INPP5A: variants seen among roughly 807,000 people sequenced by gnomAD.
The protein encoded by INPP5A is inositol polyphosphate-5-phosphatase A, also known as 43 kDa inositol polyphosphate 5-phophatase.
A neutral mutation model predicts 65.2 loss-of-function variants in INPP5A; 14 were observed. That is an observed-to-expected ratio of 0.21 (90% CI 0.14 to 0.34). INPP5A has a LOEUF of 0.34. INPP5A is among the 10% of genes least tolerant of loss of function. The probability of loss-of-function intolerance (pLI) is 1.00; values close to 1 mark genes in which losing one functional copy is unlikely to be tolerated. For synonymous variants in INPP5A, 207 were observed against 208.3 expected (o/e 0.99, Z 0.05); for missense variants, 431 against 545.6 (o/e 0.79, Z 2.09).
chr10:132,646,250 G>T (rs951733937), intron 3 of INPP5A, among the ~76,000 whole-genome samples: 2 of 152,202 alleles, frequency 1.3e-5, no homozygotes, highest in African/African-American at 2.4e-5. Flanking sequence ...GATACCAGTG[G>T]AGCCGTCTCC....
intron 13 of INPP5A, among the ~76,000 whole-genome samples, chr10:132,779,068 C>T (rs756721931): frequency 4.1e-4 from 62 of 152,354 alleles, no homozygotes; most frequent in Non-Finnish European, 8.1e-4. Flanking sequence ...GGGCTGGAGG[C>T]GGGGCCCCTT....
intron 1 of INPP5A, among the ~76,000 whole-genome samples, chr10:132,591,130 A>G (rs1053383115): frequency 1.3e-5 from 2 of 151,828 alleles, no homozygotes; most frequent in African/African-American, 4.8e-5. Context: ...TTTGTTTTGT[A>G]TTTTCCCTTG....
chr10:132,541,219 C>G (rs1428177297), intron 1 of INPP5A, among the ~76,000 whole-genome samples: 1 of 152,180 alleles, frequency 6.6e-6, no homozygotes, highest in Non-Finnish European at 1.5e-5. Flanking sequence ...CCCAAGCAAT[C>G]CACCTGCCTC....
At chr10:132,552,635 G>A (rs1398691322) in intron 1 of INPP5A, among the ~76,000 whole-genome samples, 3 of 144,436 alleles carry the variant, frequency 2.1e-5, no homozygotes, top group African/African-American at 8.0e-5. Flanking sequence ...GGGAGGATTG[G>A]TGAACACCTT....
At chr10:132,771,416 T>G (rs532260314) in intron 12 of INPP5A, among the ~76,000 whole-genome samples, 2 of 152,202 alleles carry the variant, frequency 1.3e-5, no homozygotes, top group East Asian at 3.8e-4. Context: ...GCGCCGGCAG[T>G]TTTACCACCT....
rs1003894807 is a variant in INPP5A, at chr10:132,550,584, G to A, written c.75+12413G>A. 9.8e-5 allele frequency among the ~76,000 whole-genome samples: 15 copies of A among 152,382 alleles called. No homozygotes were observed. The highest frequency in any genetic ancestry group is 3.6e-4 in the African/African-American group (15 of 41,582). On this transcript the variant is annotated intron_variant, in intron 1 of 15. Transcript: ENST00000368594. The surrounding 1 kb of genome is among the most constrained non-coding windows in gnomAD (Gnocchi z 4.2). Reference sequence around the variant, plus strand: ...AGAGGGCCTGGCTGTGAGCCGCATGGTACGAACCTTCTGAATGCAAGTGGC... The same window carrying A: ...AGAGGGCCTGGCTGTGAGCCGCATGATACGAACCTTCTGAATGCAAGTGGC...
At chr10:132,689,579 T>C (rs989986545) in intron 4 of INPP5A, among the ~76,000 whole-genome samples, 5 of 152,208 alleles carry the variant, frequency 3.3e-5, no homozygotes, top group Non-Finnish European at 7.3e-5. Context: ...ACCCCAGAGT[T>C]GCACCAGGCC....
intron 8 of INPP5A, 28 bp from the exon 9 acceptor site, chr10:132,726,793 C>G (rs745654961): frequency 6.4e-7 from 1 of 1,554,588 alleles, no homozygotes; most frequent in Non-Finnish European, 8.8e-7. Flanking sequence ...TCAGCGCCCT[C>G]GGTAACAAGT....
At chr10:132,731,056 C>A (rs190325073) in intron 9 of INPP5A, among the ~76,000 whole-genome samples, 8 of 152,330 alleles carry the variant, frequency 5.3e-5, no homozygotes, top group Non-Finnish European at 1.0e-4. Context: ...CATCCCTGTT[C>A]TCGGAACCAC....
intron 2 of INPP5A, among the ~76,000 whole-genome samples, chr10:132,623,954 C>T (rs999648626): frequency 1.3e-5 from 2 of 152,184 alleles, no homozygotes; most frequent in South Asian, 2.1e-4. Context: ...ATAATCAGTA[C>T]GTGCCTATTA....
At chr10:132,688,265 C>G (rs962979113) in intron 4 of INPP5A, among the ~76,000 whole-genome samples, 4 of 152,202 alleles carry the variant, frequency 2.6e-5, no homozygotes, top group African/African-American at 9.7e-5. Context: ...CTGTGCCTGC[C>G]GCCCTGCGCC....
intron 4 of INPP5A, among the ~76,000 whole-genome samples, chr10:132,682,209 A>G (rs112807128): frequency 6.7e-6 from 1 of 148,818 alleles, no homozygotes; most frequent in African/African-American, 2.5e-5. Flanking sequence ...CGTCCTGGAG[A>G]TGGGAAGGTG....
intron 12 of INPP5A, among the ~76,000 whole-genome samples, chr10:132,767,810 C>T (rs907704678): frequency 1.3e-5 from 2 of 148,256 alleles, no homozygotes; most frequent in African/African-American, 2.5e-5. Context: ...AGGGTGCCCA[C>T]GCGCCCAGTG....
intron 4 of INPP5A, among the ~76,000 whole-genome samples, chr10:132,673,308 C>A (rs1385374486): frequency 6.6e-6 from 1 of 152,202 alleles, no homozygotes; most frequent in Non-Finnish European, 1.5e-5. Flanking sequence ...GAACAGGAAG[C>A]AAAACTTTTG....
chr10:132,672,215 G>A (rs998721088), intron 4 of INPP5A, among the ~76,000 whole-genome samples: 4 of 152,240 alleles, frequency 2.6e-5, no homozygotes, highest in African/African-American at 9.6e-5. Flanking sequence ...TTTATCATGT[G>A]ACATAAGATT....
intron 5 of INPP5A, among the ~76,000 whole-genome samples, chr10:132,691,423 C>G (rs911831825): frequency 1.3e-5 from 2 of 152,186 alleles, no homozygotes; most frequent in African/African-American, 4.8e-5. Flanking sequence ...GCTGTGCGCT[C>G]AGGCACGGAG....
At position 132,651,237 on chromosome 10, in the gene INPP5A, A is replaced by G. The variant is rs1351471703; in HGVS notation, c.306+732A>G. Among the ~76,000 whole-genome samples the G allele has an allele frequency of 1.1e-3, 137 of 121,154 alleles. No individual in the cohort carries two copies. Among genetic ancestry groups the G allele is most frequent in the African/African-American group, 1.8e-3 (58 of 31,812 alleles). The allele number at this position is 121,154 out of a possible 152,430, so 79.5% of individuals were successfully genotyped here. On this transcript the variant is annotated intron_variant, in intron 4 of 15. Transcript: ENST00000368594. This position sits in a 1 kb window ranked among gnomAD's most constrained non-coding sequence, Gnocchi z 5.0. ...TTATGCCCTGGGTCCCCCGGCCTGGATCCATCTCCCCCGTCTCTGGGGAGG... is the reference window on the plus strand; with the variant it reads ...TTATGCCCTGGGTCCCCCGGCCTGGGTCCATCTCCCCCGTCTCTGGGGAGG...
rs963838538 is a variant in INPP5A, at chr10:132,762,189, G to C, written c.904-3584G>C. Among the ~76,000 whole-genome samples the C allele has an allele frequency of 1.3e-5, 2 of 152,170 alleles. No homozygotes were observed. Among genetic ancestry groups the C allele is most frequent in the African/African-American group, 4.8e-5 (2 of 41,402 alleles). On this transcript the variant is annotated intron_variant, in intron 11 of 15. Transcript: ENST00000368594. The surrounding 1 kb of genome is among the most constrained non-coding windows in gnomAD (Gnocchi z 4.6). ...GCTTGCGCAGTGAGGGTCCACGAGG[G>C]GCACACTGGAGAGTCAATGGCTGGG...
intron 4 of INPP5A, among the ~76,000 whole-genome samples, chr10:132,672,121 C>CA (rs2072899594): frequency 6.6e-6 from 1 of 152,220 alleles, no homozygotes; most frequent in Admixed American, 6.5e-5. Context: ...TCTTATTGAG[C>CA]ATTGTGACAT....
Sources: gnomAD v4.1 joint callset for allele counts (sites outside exome capture counted in the v4.1 genomes callset) on GRCh38, gnomAD v4.1.1 for gene constraint, Gnocchi (gnomAD v3.1) non-coding constraint, MANE v1.5 for transcripts, NCBI Gene and HGNC (gene_info 2026-07-23, HGNC 2026-07-21) for gene names.